The following SSH2 variants were observed in gnomAD, a reference collection of about 807,000 sequenced individuals.
SSH2 encodes slingshot protein phosphatase 2.
Under a neutral mutation model 135.2 loss-of-function variants are expected in SSH2, and 37 were observed. The ratio of observed to expected loss-of-function variants is 0.27; its 90% CI spans 0.21 to 0.36. The LOEUF (loss-of-function observed/expected upper bound fraction) is 0.36, where lower values mean the gene tolerates loss of function less well. SSH2 is among the 10% of genes least tolerant of loss of function. SSH2 has a pLI of 1.00. For synonymous variants in SSH2, 628 were observed against 646.2 expected, an observed-to-expected ratio of 0.97 and a Z score of 0.43; for missense variants, 1,408 against 1,765.3, an observed-to-expected ratio of 0.80 and a Z score of 3.63.
intron 1 of SSH2, among the ~76,000 whole-genome samples, chr17:29,885,290 C>A (rs983928904): frequency 2.0e-5 from 3 of 147,982 alleles, no homozygotes; most frequent in African/African-American, 7.5e-5. Context: ...TTCTATCAAG[C>A]AGGTACTAAC....
At chr17:29,670,583 G>A (rs926773844) in intron 9 of SSH2, among the ~76,000 whole-genome samples, 3 of 152,018 alleles carry the variant, frequency 2.0e-5, no homozygotes, top group Non-Finnish European at 4.4e-5. Context: ...AGACCAGCCT[G>A]GTCAACATGG....
chr17:29,754,816 A>G (rs1453736685), intron 3 of SSH2, among the ~76,000 whole-genome samples: 1 of 152,072 alleles, frequency 6.6e-6, no homozygotes, highest in Admixed American at 6.6e-5. Flanking sequence ...ACAGGCACGC[A>G]CCACCATGCC....
intron 2 of SSH2, among the ~76,000 whole-genome samples, chr17:29,842,145 C>G (rs2151379833): frequency 1.6e-5 from 2 of 125,228 alleles, no homozygotes; most frequent in Middle Eastern, 8.8e-3. Context: ...TGGAGGAGAC[C>G]CTGTTATTAA....
intron 2 of SSH2, among the ~76,000 whole-genome samples, chr17:29,835,890 C>T (rs1461155460): frequency 1.4e-5 from 2 of 145,492 alleles, no homozygotes; most frequent in East Asian, 2.0e-4. Flanking sequence ...ACCCAGGAGG[C>T]GGGGCTTGCA....
chr17:29,835,456 A>G (rs1229491856), intron 2 of SSH2, among the ~76,000 whole-genome samples: 2 of 152,174 alleles, frequency 1.3e-5, no homozygotes, highest in African/African-American at 4.8e-5. Context: ...TTTCACCCAC[A>G]TTCTTTCCAG....
intron 2 of SSH2, among the ~76,000 whole-genome samples, chr17:29,814,496 C>A (rs1430579232): frequency 2.0e-5 from 3 of 148,846 alleles, no homozygotes; most frequent in African/African-American, 7.4e-5. Context: ...GCAATACTGT[C>A]GAAGGATCAG....
At chr17:29,886,995 C>T (rs540786903) in intron 1 of SSH2, among the ~76,000 whole-genome samples, 11 of 151,980 alleles carry the variant, frequency 7.2e-5, no homozygotes, top group East Asian at 1.9e-4. Flanking sequence ...ATTTTTTTCT[C>T]GGATAAGAAA....
rs1165435546 is a variant in SSH2, at chr17:29,744,860, A to AGAGT, written c.189-41799_189-41798insACTC. Among the ~76,000 whole-genome samples the AGAGT allele has an allele frequency of 1.1e-4, 16 of 140,426 alleles. 1 individual carries two copies. The highest frequency in any genetic ancestry group is 3.3e-4 in the African/African-American group (12 of 35,998). The allele number at this position is 140,426 out of a possible 152,430, so 92.1% of individuals were successfully genotyped here. A position where few individuals can be genotyped will look rare whatever the true frequency, so the allele number is the denominator to read the frequency against. Reference sequence around the variant, plus strand: ...AAGAAGTTTTGCTTTGGATTACTTGAGTGTGTGTGTGTGTGTGTGTGTGTG... The same window carrying AGAGT: ...AAGAAGTTTTGCTTTGGATTACTTGAGAGTGTGTGTGTGTGTGTGTGTGTGTGTG... On this transcript the variant is annotated intron_variant, in intron 3 of 15. Transcript: ENST00000540801.
intron 1 of SSH2, among the ~76,000 whole-genome samples, chr17:29,921,080 C>T (rs561943148): frequency 6.6e-6 from 1 of 151,994 alleles, no homozygotes; most frequent in South Asian, 2.1e-4. Flanking sequence ...AAATGTTTAG[C>T]CTCTAATTTT....
chr17:29,859,698 G>A (rs959063972), intron 1 of SSH2, among the ~76,000 whole-genome samples: 1 of 152,148 alleles, frequency 6.6e-6, no homozygotes, highest in African/African-American at 2.4e-5. Context: ...TATCATCGAT[G>A]GGCATTTAGG....
chr17:29,739,243 A>G (rs1053949741), intron 3 of SSH2, among the ~76,000 whole-genome samples: 1 of 152,188 alleles, frequency 6.6e-6, no homozygotes, highest in African/African-American at 2.4e-5. Flanking sequence ...AACCGAATCC[A>G]CTATCTATTT....
At chr17:29,739,617 A>C (rs1285502110) in intron 3 of SSH2, among the ~76,000 whole-genome samples, 1 of 152,244 alleles carries the variant, frequency 6.6e-6, no homozygotes, top group Non-Finnish European at 1.5e-5. Flanking sequence ...TTTAATTAAA[A>C]AGTGTTAGCC....
intron 2 of SSH2, among the ~76,000 whole-genome samples, chr17:29,811,216 G>A (rs2042436183): frequency 6.6e-6 from 1 of 152,032 alleles, no homozygotes; most frequent in Non-Finnish European, 1.5e-5. Context: ...GGCTGGTGTT[G>A]AACTCCTGGC....
At chr17:29,895,617 T>C (rs1476411810) in intron 1 of SSH2, among the ~76,000 whole-genome samples, 2 of 76,052 alleles carry the variant, frequency 2.6e-5, no homozygotes, top group African/African-American at 1.9e-4. Context: ...ATATACATTT[T>C]ATATATGAAA....
At chr17:29,766,209 A>T (rs528506440) in intron 3 of SSH2, among the ~76,000 whole-genome samples, 15 of 152,024 alleles carry the variant, frequency 9.9e-5, no homozygotes, top group African/African-American at 3.6e-4. Context: ...ACATTAAAAT[A>T]CCTGTCTGGG....
At chr17:29,834,191 A>T (rs1184807235) in intron 2 of SSH2, among the ~76,000 whole-genome samples, 1 of 152,112 alleles carries the variant, frequency 6.6e-6, no homozygotes, top group Non-Finnish European at 1.5e-5. Flanking sequence ...CTTTCACAGA[A>T]GAAAAAGATA....
intron 3 of SSH2, among the ~76,000 whole-genome samples, chr17:29,725,064 T>A (rs2039953503): frequency 6.6e-6 from 1 of 151,456 alleles, no homozygotes; most frequent in South Asian, 2.1e-4. Context: ...AGCCAGGGAA[T>A]CGGCCAGGCA....
chr17:29,633,984 A>G (rs1379667128), intron 15 of SSH2, among the ~76,000 whole-genome samples: 1 of 152,244 alleles, frequency 6.6e-6, no homozygotes, highest in Non-Finnish European at 1.5e-5. Flanking sequence ...CAAACTTGCC[A>G]TGAATGGGAG....
At chr17:29,701,699 C>A (rs1469439709) in intron 4 of SSH2, among the ~76,000 whole-genome samples, 2 of 151,798 alleles carry the variant, frequency 1.3e-5, no homozygotes, top group African/African-American at 2.4e-5. Flanking sequence ...GCCTCCAGAG[C>A]AGCTGAGATT....
Sources: allele counts gnomAD v4.1 joint callset (sites outside exome capture counted in the v4.1 genomes callset), GRCh38; gene constraint gnomAD v4.1.1; transcripts MANE v1.5; gene names NCBI Gene and HGNC (gene_info 2026-07-23, HGNC 2026-07-21).